The following FAR2 variants were observed in gnomAD, a reference collection of about 807,000 sequenced individuals.
The protein encoded by FAR2 is fatty acyl-CoA reductase 2.
Under a neutral mutation model 56.0 loss-of-function variants are expected in FAR2, and 19 were observed. That is an observed-to-expected ratio of 0.34 (90% CI 0.24 to 0.50). The LOEUF is 0.50. Ranked by LOEUF, FAR2 falls within the 20% of genes least tolerant of loss-of-function variation. The probability of loss-of-function intolerance (pLI) is 0.98; values close to 1 mark genes in which losing one functional copy is unlikely to be tolerated. For synonymous variants in FAR2, 219 were observed against 218.8 expected, an observed-to-expected ratio of 1.00 and a Z score of -0.01; for missense variants, 508 against 642.2, an observed-to-expected ratio of 0.79 and a Z score of 2.26.
intron 1 of FAR2, among the ~76,000 whole-genome samples, chr12:29,173,783 A>G (rs1949910409): frequency 1.3e-5 from 2 of 152,126 alleles, no homozygotes; most frequent in Admixed American, 1.3e-4. Context: ...AACCCGCGAC[A>G]GTCCCTAGAC....
At chr12:29,225,003 T>C (rs1947741589) in intron 1 of FAR2, among the ~76,000 whole-genome samples, 1 of 152,158 alleles carries the variant, frequency 6.6e-6, no homozygotes, top group African/African-American at 2.4e-5. Context: ...TGCCTCCCAC[T>C]TGAGGCCTCC....
At chr12:29,232,821 G>GCACACACA (rs71042969) in intron 1 of FAR2, among the ~76,000 whole-genome samples, 2,544 of 145,910 alleles carry the variant, frequency 0.017, 40 homozygotes, top group African/African-American at 0.04. Context: ...ACGCGCTCGC[G>GCACACACA]CACACACACA....
intron 1 of FAR2, among the ~76,000 whole-genome samples, chr12:29,244,035 C>T (rs942569897): frequency 6.6e-6 from 1 of 152,074 alleles, no homozygotes; most frequent in African/African-American, 2.4e-5. Context: ...AATGAATTTC[C>T]CAACTTATAT....
intron 9 of FAR2, among the ~76,000 whole-genome samples, chr12:29,320,728 G>A (rs12831191): frequency 0.029 from 4,452 of 152,292 alleles, 79 homozygotes; most frequent in Middle Eastern, 0.095. Context: ...TATACATCCT[G>A]ACTATCTTAC....
At chr12:29,253,052 T>G (rs1434109738) in intron 1 of FAR2, among the ~76,000 whole-genome samples, 1 of 152,202 alleles carries the variant, frequency 6.6e-6, no homozygotes, top group East Asian at 1.9e-4. Flanking sequence ...AGATGTCCTT[T>G]GGATTCAAAC....
At chr12:29,308,635 T>C (rs917586357) in intron 5 of FAR2, among the ~76,000 whole-genome samples, 4 of 151,410 alleles carry the variant, frequency 2.6e-5, no homozygotes, top group Admixed American at 1.3e-4. Flanking sequence ...TAGCTGCTCT[T>C]AAATATAATC....
At chr12:29,173,127 T>C (rs1345763709) in intron 1 of FAR2, among the ~76,000 whole-genome samples, 1 of 152,224 alleles carries the variant, frequency 6.6e-6, no homozygotes, top group African/African-American at 2.4e-5. Flanking sequence ...CTGTAGGACA[T>C]CTGTGTACCT....
At chr12:29,312,358 A>G (rs557242842) in intron 8 of FAR2, among the ~76,000 whole-genome samples, 1 of 152,284 alleles carries the variant, frequency 6.6e-6, no homozygotes, top group African/African-American at 2.4e-5. Flanking sequence ...ATGAGATAGA[A>G]AAGTTAGGTG....
Position 29,198,811 on chromosome 12 carries a change from C to T in FAR2, c.-39+49404C>T, listed in dbSNP as rs1412730441. ...AACCACTATTTTCTTTCCTATGCCC[C>T]CTCATCGCACCCCCTGCCTCTCATG... On this transcript the variant is annotated intron_variant, in intron 1 of 11. Transcript: ENST00000536681. Among the ~76,000 whole-genome samples, 3 of 152,064 alleles carry T rather than the reference C, an allele frequency of 2.0e-5. No homozygotes were observed. In the East Asian group the frequency reaches 5.8e-4, roughly 29 times the overall value.
chr12:29,264,689 G>A (rs1948483990), intron 1 of FAR2, among the ~76,000 whole-genome samples: 1 of 138,070 alleles, frequency 7.2e-6, no homozygotes. Context: ...GAGAGGGAGA[G>A]GGAGAAAGAG....
chr12:29,249,294 C>T (rs1948173312), intron 1 of FAR2, among the ~76,000 whole-genome samples: 1 of 152,158 alleles, frequency 6.6e-6, no homozygotes, highest in Non-Finnish European at 1.5e-5. Flanking sequence ...TCAGCCGGTC[C>T]CTCCGTTTGG....
chr12:29,285,163 TA>T (rs1285371254), intron 2 of FAR2, among the ~76,000 whole-genome samples: 2 of 152,104 alleles, frequency 1.3e-5, no homozygotes, highest in African/African-American at 4.8e-5. Context: ...AGTTTCTTGT[TA>T]ATTTTCAGAC....
chr12:29,224,971 CA>C (rs1947741174), intron 1 of FAR2, among the ~76,000 whole-genome samples: 2 of 152,178 alleles, frequency 1.3e-5, no homozygotes, highest in South Asian at 4.1e-4. Flanking sequence ...GTAATCCTAA[CA>C]CCTTGGGAGG....
chr12:29,177,546 T>G (rs1459642477), intron 1 of FAR2, among the ~76,000 whole-genome samples: 1 of 152,152 alleles, frequency 6.6e-6, no homozygotes, highest in Non-Finnish European at 1.5e-5. Flanking sequence ...AGGGCTATCC[T>G]AGGGTTTTCT....
rs1949749776 is a variant in FAR2 at position 29,332,746 on chromosome 12, T to A, written c.1385+19T>A. On this transcript the variant is annotated intron_variant, in intron 11 of 11. Transcript: ENST00000536681. ...TAAAAAGGTAAGTATAATCAGTCAG[T>A]TAATATTTATTGAGCACCTACTGTG... The A allele has an allele frequency of 3.1e-6, 5 of 1,604,846 alleles. No homozygotes were observed. Among genetic ancestry groups the A allele is most frequent in the Non-Finnish European group, 3.4e-6 (4 of 1,174,654 alleles).
intron 1 of FAR2, among the ~76,000 whole-genome samples, chr12:29,178,187 A>T (rs1050620943): frequency 2.0e-5 from 3 of 152,104 alleles, no homozygotes; most frequent in African/African-American, 7.2e-5. Context: ...TAACAATAAA[A>T]AAAAAAAAAG....
chr12:29,203,158 AC>A (rs1947435980), intron 1 of FAR2, among the ~76,000 whole-genome samples: 1 of 152,232 alleles, frequency 6.6e-6, no homozygotes, highest in African/African-American at 2.4e-5. Flanking sequence ...TTTGTATTTT[AC>A]AGAGAAGAGG....
At position 29,335,095 on chromosome 12, in the gene FAR2, G is replaced by A. The variant is rs764609520; in HGVS notation, c.*1301G>A. The stretch of plus-strand genomic sequence containing the variant: ...GCCTAAACAACTAAAATTAGTCACC[G>A]CATAACTAGTTGAAAATGGCATAGG... On this transcript the variant is annotated 3_prime_UTR_variant, in exon 12 of 12. Transcript: ENST00000536681. 2.6e-5 allele frequency: 4 copies of A among 152,062 alleles called. No homozygotes were observed. The highest frequency in any genetic ancestry group is 7.2e-5 in the African/African-American group (3 of 41,406). 9.4% of individuals were successfully genotyped at this position (152,062 alleles called of 1,614,324 possible).
chr12:29,262,389 G>C (rs1171342063), intron 1 of FAR2, among the ~76,000 whole-genome samples: 5 of 152,118 alleles, frequency 3.3e-5, no homozygotes, highest in Admixed American at 1.3e-4. Flanking sequence ...CCAGCACTTT[G>C]AGAGACCCAG....
Sources: gnomAD v4.1 joint callset for allele counts (sites outside exome capture counted in the v4.1 genomes callset) on GRCh38, gnomAD v4.1.1 for gene constraint, MANE v1.5 for transcripts, NCBI Gene and HGNC (gene_info 2026-07-23, HGNC 2026-07-21) for gene names.